Variants in EXT1 observed in about 807,000 individuals in gnomAD.
The protein encoded by EXT1 is exostosin glycosyltransferase 1.
Under a neutral mutation model 82.5 loss-of-function variants are expected in EXT1, and 20 were observed. The observed-to-expected ratio is 0.24, with a 90% confidence interval of 0.17 to 0.35. The LOEUF (loss-of-function observed/expected upper bound fraction) is 0.35. Ranked by LOEUF, EXT1 falls within the 10% of genes least tolerant of loss-of-function variation. EXT1 has a pLI of 1.00. For missense variants in EXT1, 757 were observed against 936.5 expected (o/e 0.81, Z 2.50); for synonymous variants, 348 against 350.8 (o/e 0.99, Z 0.09).
chr8:118,068,506 T>G (rs551031560), intron 1 of EXT1, among the ~76,000 whole-genome samples: 1 of 152,236 alleles, frequency 6.6e-6, no homozygotes, highest in South Asian at 2.1e-4. Flanking sequence ...GGCCCCAGTG[T>G]GTGTGTGTTG....
chr8:117,830,389 A>C (rs905741690), intron 3 of EXT1, 40 bp from the exon 4 acceptor site: 12 of 1,608,882 alleles, frequency 7.5e-6, no homozygotes, highest in Non-Finnish European at 1.0e-5. Context: ...ATAACTGTAA[A>C]ACAAAGAGAT....
chr8:118,046,288 A>G (rs1395213767), intron 1 of EXT1, among the ~76,000 whole-genome samples: 3 of 152,096 alleles, frequency 2.0e-5, no homozygotes, highest in African/African-American at 4.8e-5. Context: ...GTAACTTACT[A>G]TTGATGTTTT....
intron 1 of EXT1, among the ~76,000 whole-genome samples, chr8:117,870,333 T>C (rs949780509): frequency 2.0e-5 from 3 of 152,188 alleles, no homozygotes; most frequent in African/African-American, 7.2e-5. Context: ...GTCTCTCTTA[T>C]TCAAACATCT....
intron 1 of EXT1, among the ~76,000 whole-genome samples, chr8:118,091,474 C>T (rs1817522416): frequency 6.6e-6 from 1 of 152,112 alleles, no homozygotes; most frequent in South Asian, 2.1e-4. Context: ...CGCGGTGGCT[C>T]ACGCCTGTAA....
In EXT1 at chr8:117,804,828, G is replaced by T. The variant is rs1315338862; in HGVS notation, c.1949C>A (p.Ala650Asp). 1 of 1,614,080 alleles carries T rather than the reference G, an allele frequency of 6.2e-7. No individual in the cohort carries two copies. Among genetic ancestry groups the T allele is most frequent in the Admixed American group, 1.7e-5 (1 of 60,024 alleles). ...GTTCATGAGAATGTCCTCACAATTG[G>T]CCAATTGGTCCACCATGTTCTTCAG... Reference protein sequence around the residue: ...ASLKNMVDQLANCEDILMNFL... With the variant: ...ASLKNMVDQLDNCEDILMNFL... Residue 650 changes from alanine to aspartate, a missense_variant, in exon 10 of 11, where the codon GCC becomes GAC. Around this residue, in one of 4 missense-constraint regions of EXT1, gnomAD observed 128 missense variants for 223.2 expected, o/e 0.57. Transcript: ENST00000378204.
chr8:118,035,455 C>T (rs1275333658), intron 1 of EXT1, among the ~76,000 whole-genome samples: 2 of 151,962 alleles, frequency 1.3e-5, no homozygotes, highest in African/African-American at 4.8e-5. Flanking sequence ...CATTTTAAAA[C>T]TAGGATGCAA....
At chr8:117,984,652 C>T (rs1815278342) in intron 1 of EXT1, among the ~76,000 whole-genome samples, 1 of 152,018 alleles carries the variant, frequency 6.6e-6, no homozygotes. Flanking sequence ...ATCTGGTGAA[C>T]ATGATGTGGA....
chr8:118,055,754 C>T (rs920079240), intron 1 of EXT1, among the ~76,000 whole-genome samples: 21 of 152,142 alleles, frequency 1.4e-4, no homozygotes, highest in Admixed American at 1.2e-3. Flanking sequence ...TTATTATTCT[C>T]GCAAAATCTT....
intron 1 of EXT1, among the ~76,000 whole-genome samples, chr8:117,981,821 T>C (rs1380001388): frequency 6.6e-6 from 1 of 151,206 alleles, no homozygotes; most frequent in Non-Finnish European, 1.5e-5. Flanking sequence ...GAGGTTGCGG[T>C]GGGCTGAGAT....
chr8:118,079,941 A>AT (rs757950898), intron 1 of EXT1, among the ~76,000 whole-genome samples: 3 of 152,208 alleles, frequency 2.0e-5, no homozygotes, highest in Non-Finnish European at 2.9e-5. Context: ...TACCAGAGGC[A>AT]TATAAACTCA....
chr8:117,822,657 G>T, intron 4 of EXT1, 60 bp from the exon 5 acceptor site: 1 of 1,593,820 alleles, frequency 6.3e-7, no homozygotes. Context: ...TGGAAAGGAT[G>T]ATGCTCAATC....
intron 1 of EXT1, among the ~76,000 whole-genome samples, chr8:117,851,618 C>CACACAT (rs1305795605): frequency 2.3e-5 from 1 of 44,016 alleles, no homozygotes; most frequent in Non-Finnish European, 4.5e-5. Flanking sequence ...TTTAGCTGGA[C>CACACAT]ACACACACAC....
At chr8:118,104,042 T>C (rs555495698) in intron 1 of EXT1, among the ~76,000 whole-genome samples, 8 of 152,378 alleles carry the variant, frequency 5.3e-5, no homozygotes, top group Admixed American at 2.0e-4. Flanking sequence ...GAATGGACTT[T>C]GGAATCTAAG....
chr8:117,850,980 C>A (rs1013499409), intron 1 of EXT1, among the ~76,000 whole-genome samples: 1 of 152,142 alleles, frequency 6.6e-6, no homozygotes, highest in Non-Finnish European at 1.5e-5. Flanking sequence ...ACCCTTAGCA[C>A]AAAAAACTGC....
chr8:118,029,208 C>A (rs928064111), intron 1 of EXT1, among the ~76,000 whole-genome samples: 10 of 152,090 alleles, frequency 6.6e-5, no homozygotes, highest in Non-Finnish European at 1.5e-4. Context: ...GCGGGAGGAT[C>A]GCTTGAAGCC....
intron 1 of EXT1, among the ~76,000 whole-genome samples, chr8:117,932,856 T>C (rs925645320): frequency 6.6e-6 from 1 of 151,212 alleles, no homozygotes; most frequent in Non-Finnish European, 1.5e-5. Flanking sequence ...CAAACTCCAG[T>C]CAGTGAAGCC....
chr8:117,861,671 T>G (rs1287016651), intron 1 of EXT1, among the ~76,000 whole-genome samples: 1 of 142,494 alleles, frequency 7.0e-6, no homozygotes, highest in African/African-American at 2.5e-5. Flanking sequence ...ATTTTTGTAT[T>G]TTTTAGTAGA....
chr8:118,007,460 G>A (rs1815803853), intron 1 of EXT1, among the ~76,000 whole-genome samples: 1 of 152,158 alleles, frequency 6.6e-6, no homozygotes, highest in South Asian at 2.1e-4. Flanking sequence ...GAAAACTAGA[G>A]GCCTCCTTTC....
intron 1 of EXT1, among the ~76,000 whole-genome samples, chr8:118,076,265 G>T (rs1817206438): frequency 6.6e-6 from 1 of 152,210 alleles, no homozygotes; most frequent in Non-Finnish European, 1.5e-5. Context: ...TTCCCCATTA[G>T]ATCCCCATTC....
Sources: gnomAD v4.1 joint callset for allele counts (sites outside exome capture counted in the v4.1 genomes callset) on GRCh38, gnomAD v4.1.1 for gene constraint, gnomAD v4.1.1 regional missense constraint, MANE v1.5 for transcripts, NCBI Gene and HGNC (gene_info 2026-07-23, HGNC 2026-07-21) for gene names.